The following TMED3 variants were observed in gnomAD, a reference collection of about 807,000 sequenced individuals.
TMED3 encodes transmembrane emp24 domain-containing protein 3.
TMED3 carries 9 observed loss-of-function variants against 15.0 expected under a neutral mutation model. The ratio of observed to expected loss-of-function variants is 0.60; its 90% CI spans 0.36 to 1.04. The LOEUF (loss-of-function observed/expected upper bound fraction) is 1.04, where lower values mean the gene tolerates loss of function less well. TMED3 is among the 50% of genes least tolerant of loss of function. The pLI is 0.01. For synonymous variants in TMED3, 117 were observed against 121.4 expected (o/e 0.96, Z 0.24); for missense variants, 267 against 278.9 (o/e 0.96, Z 0.30).
chr15:79,367,155 T>G (rs1473144509), intron 2 of TMED3, among the ~76,000 whole-genome samples: 2 of 152,210 alleles, frequency 1.3e-5, no homozygotes, highest in Non-Finnish European at 2.9e-5. Context: ...AAAGGCATCT[T>G]TAACCAAATG....
intron 2 of TMED3, among the ~76,000 whole-genome samples, chr15:79,352,388 G>T (rs1735715712): frequency 6.6e-6 from 1 of 152,006 alleles, no homozygotes; most frequent in Non-Finnish European, 1.5e-5. Context: ...TGAGTCCATG[G>T]CCATTTTTCA....
chr15:79,366,296 A>G (rs1279647034), intron 2 of TMED3, among the ~76,000 whole-genome samples: 1 of 152,218 alleles, frequency 6.6e-6, no homozygotes, highest in Non-Finnish European at 1.5e-5. Context: ...CTTTGCAGTC[A>G]GCTGCTCTCT....
intron 2 of TMED3, among the ~76,000 whole-genome samples, chr15:79,364,679 G>C (rs1274993107): frequency 6.6e-6 from 1 of 151,834 alleles, no homozygotes; most frequent in African/African-American, 2.4e-5. Flanking sequence ...CAGAGAAAGA[G>C]AGAAGAGGAG....
intron 2 of TMED3, among the ~76,000 whole-genome samples, chr15:79,338,341 A>G (rs1407449403): frequency 3.9e-5 from 6 of 152,194 alleles, no homozygotes; most frequent in Non-Finnish European, 7.3e-5. Context: ...TTATGTTACC[A>G]TTAGTATTTT....
At chr15:79,399,568 C>T (rs189830166) in intron 2 of TMED3, among the ~76,000 whole-genome samples, 2 of 152,154 alleles carry the variant, frequency 1.3e-5, no homozygotes, top group Admixed American at 1.3e-4. Context: ...TGGTCAGGAG[C>T]CATGTGTGGA....
At chr15:79,395,255 C>T (rs964683396) in intron 2 of TMED3, among the ~76,000 whole-genome samples, 2 of 152,224 alleles carry the variant, frequency 1.3e-5, no homozygotes, top group Non-Finnish European at 2.9e-5. Context: ...TCTCGGCCCA[C>T]TGAAACCTCC....
chr15:79,319,480 G>C (rs554504292), intron 2 of TMED3, among the ~76,000 whole-genome samples: 36 of 152,334 alleles, frequency 2.4e-4, no homozygotes, highest in African/African-American at 8.4e-4. Context: ...TTTAATGTGA[G>C]AGAGAAACAA....
intron 2 of TMED3, among the ~76,000 whole-genome samples, chr15:79,381,399 C>T (rs762556301): frequency 6.6e-6 from 1 of 152,204 alleles, no homozygotes; most frequent in African/African-American, 2.4e-5. Context: ...TTTCTGCTCA[C>T]TTCAGCATGA....
At chr15:79,319,961 CAGTT>C (rs2058758155) in intron 2 of TMED3, among the ~76,000 whole-genome samples, 1 of 152,208 alleles carries the variant, frequency 6.6e-6, no homozygotes, top group South Asian at 2.1e-4. Context: ...CACAGGGAGA[CAGTT>C]AGGTCCCCGG....
intron 2 of TMED3, among the ~76,000 whole-genome samples, chr15:79,409,172 C>T (rs1163986738): frequency 6.9e-6 from 1 of 145,776 alleles, no homozygotes; most frequent in Non-Finnish European, 1.5e-5. Context: ...CCTATAAGGA[C>T]AGGTCGAGGA....
chr15:79,387,824 T>C (rs938962653), intron 2 of TMED3, among the ~76,000 whole-genome samples: 2 of 152,232 alleles, frequency 1.3e-5, no homozygotes, highest in Admixed American at 6.5e-5. Context: ...CTTGTCTGGA[T>C]TCCTACATAC....
chr15:79,365,284 G>C (rs930013917), intron 2 of TMED3, among the ~76,000 whole-genome samples: 1 of 152,224 alleles, frequency 6.6e-6, no homozygotes, highest in African/African-American at 2.4e-5. Context: ...GATTAAAGAC[G>C]AGAAGCTTTG....
intron 2 of TMED3, among the ~76,000 whole-genome samples, chr15:79,348,966 G>T (rs2058881278): frequency 6.6e-6 from 1 of 151,990 alleles, no homozygotes; most frequent in African/African-American, 2.4e-5. Flanking sequence ...CCCACCCCCA[G>T]TAGATGGCAC....
chr15:79,332,716 AC>A (rs1475493502), intron 2 of TMED3, among the ~76,000 whole-genome samples: 3 of 152,140 alleles, frequency 2.0e-5, no homozygotes, highest in Non-Finnish European at 4.4e-5. Context: ...CCACGGACCT[AC>A]CTGGTTGTGA....
At position 79,350,549 on chromosome 15, in the gene TMED3, A is replaced by G. The variant is rs116269404; in HGVS notation, c.417+36544A>G. Among the ~76,000 whole-genome samples, 798 of 152,298 alleles carry G rather than the reference A, an allele frequency of 5.2e-3. 11 individuals are homozygous for G. Among genetic ancestry groups the G allele is most frequent in the African/African-American group, 0.019 (774 of 41,554 alleles). ...ATGGGAGAAAAATGAAGGCTCAGCA[A>G]GTCTGCTCTCTGTCCACCTTCTTCT... On this transcript the variant is annotated intron_variant, in intron 2 of 2. Transcript: ENST00000424155.
At chr15:79,397,034 A>G (rs905773995) in intron 2 of TMED3, among the ~76,000 whole-genome samples, 5 of 152,244 alleles carry the variant, frequency 3.3e-5, no homozygotes, top group African/African-American at 1.2e-4. Context: ...AGAGGCGGGA[A>G]TGCAGACTGC....
chr15:79,314,054 C>A, intron 2 of TMED3, 49 bp downstream of exon 2: 1 of 1,601,096 alleles, frequency 6.2e-7, no homozygotes, highest in Non-Finnish European at 8.5e-7. Context: ...TAGCGTGTTC[C>A]TCTTCATTGG....
At chr15:79,321,860 A>G in intron 2 of TMED3, 118 bp from the exon 3 acceptor site, 1 of 1,252,786 alleles carries the variant, frequency 8.0e-7, no homozygotes, top group Non-Finnish European at 1.1e-6. Context: ...CTTAGCACAG[A>G]CTCTTAGTTA....
In TMED3 at chr15:79,322,368, A is replaced by C; in HGVS notation, c.*154A>C. 6.9e-7 allele frequency: 1 copy of C among 1,455,202 alleles called. No individual in the cohort carries two copies. 90.1% of individuals were successfully genotyped at this position (1,455,202 alleles called of 1,614,324 possible). A position where few individuals can be genotyped will look rare whatever the true frequency, so the allele number is the denominator to read the frequency against. ...TTTCATGCCCATGCTTGATTCTTGC[A>C]CCTCAGCAGCTGAAGGTCTCAGAGA... On this transcript the variant is annotated 3_prime_UTR_variant, in exon 3 of 3. Transcript: ENST00000299705.
Sources: allele counts gnomAD v4.1 joint callset (sites outside exome capture counted in the v4.1 genomes callset), GRCh38; gene constraint gnomAD v4.1.1; transcripts MANE v1.5; gene names NCBI Gene and HGNC (gene_info 2026-07-23, HGNC 2026-07-21).